Variants in JPH3 observed in about 807,000 individuals in gnomAD.
The protein encoded by JPH3 is junctophilin-3.
In JPH3, 11 loss-of-function variants were observed where a neutral mutation model predicts 59.6. That is an observed-to-expected ratio of 0.18 (90% CI 0.12 to 0.31). JPH3 has a LOEUF of 0.31. Among genes scored for constraint, JPH3 ranks in the 10% least tolerant of loss-of-function variants. The pLI, the probability that JPH3 is intolerant of heterozygous loss-of-function variation, is 1.00. For missense variants in JPH3, 1,202 were observed against 1,105.7 expected (o/e 1.09, Z -1.24); for synonymous variants, 673 against 483.6 (o/e 1.39, Z -5.14).
intron 2 of JPH3, among the ~76,000 whole-genome samples, chr16:87,667,635 C>G (rs557880333): frequency 3.7e-4 from 56 of 152,298 alleles, no homozygotes; most frequent in African/African-American, 1.3e-3. Flanking sequence ...AGCGGGGGGT[C>G]TTGGGCAACG....
At chr16:87,639,689 C>T (rs560538514) in intron 1 of JPH3, among the ~76,000 whole-genome samples, 4 of 152,024 alleles carry the variant, frequency 2.6e-5, no homozygotes, top group East Asian at 1.9e-4. Context: ...CCTGGCCCCT[C>T]GCACCCTCCG....
rs908539600 is a variant in JPH3, at chr16:87,690,557, T to G, written c.2166+31T>G. On this transcript the variant is annotated intron_variant, in intron 4 of 4. Coordinates refer to ENST00000284262, the MANE Select transcript of JPH3 (RefSeq NM_020655.4). ...TGGGCGGCCACCAGGCTGGTCCCAG[T>G]GGAGGCAACATCCACCTCTCTGCTG... The G allele has an allele frequency of 4.8e-6, 7 of 1,444,246 alleles. No homozygotes were observed. The African/African-American group carries it at 1.0e-4, about 21-fold the overall frequency. 89.5% of individuals were successfully genotyped at this position (1,444,246 alleles called of 1,614,324 possible). A position where few individuals can be genotyped will look rare whatever the true frequency, so the allele number is the denominator to read the frequency against.
chr16:87,668,767 C>T (rs898059266), intron 2 of JPH3, among the ~76,000 whole-genome samples: 2 of 152,092 alleles, frequency 1.3e-5, no homozygotes, highest in East Asian at 1.9e-4. Flanking sequence ...CCATCACAGG[C>T]CAAAGAACTG....
chr16:87,662,324 T>C (rs1358012024), intron 2 of JPH3, among the ~76,000 whole-genome samples: 1 of 152,170 alleles, frequency 6.6e-6, no homozygotes, highest in East Asian at 1.9e-4. Context: ...GGGCGCCGAA[T>C]GAATGGTTTC....
chr16:87,696,284 A>T, intron 4 of JPH3: 1 of 502,378 alleles, frequency 2.0e-6, no homozygotes, highest in South Asian at 2.0e-5. Context: ...GGTTCTCTCC[A>T]AGGGGACCCT....
Position 87,684,304 on chromosome 16 carries a change from G to T in JPH3, c.1285+38G>T, listed in dbSNP as rs539338793. 6.8e-6 allele frequency: 11 copies of T among 1,608,858 alleles called. No homozygotes were observed. In the East Asian group the frequency reaches 2.2e-4, roughly 33 times the overall value. ...GGGCCTGATACTGGCATCGTGGGGA[G>T]GGGGTGCGTGGATGGCTGGGCAGTC... On this transcript the variant is annotated intron_variant, in intron 3 of 4. Coordinates refer to ENST00000284262, the MANE Select transcript of JPH3 (RefSeq NM_020655.4).
intron 2 of JPH3, among the ~76,000 whole-genome samples, chr16:87,677,384 A>G (rs551121523): frequency 6.6e-6 from 1 of 152,254 alleles, no homozygotes; most frequent in African/African-American, 2.4e-5. Flanking sequence ...TTCTGTCTCA[A>G]AAAACAAACA....
At chr16:87,674,346 A>T (rs923032947) in intron 2 of JPH3, among the ~76,000 whole-genome samples, 7 of 152,168 alleles carry the variant, frequency 4.6e-5, no homozygotes, top group Admixed American at 3.3e-4. Flanking sequence ...AAAAAACAAA[A>T]ACAAAAAAAA....
chr16:87,668,896 C>A (rs561603887), intron 2 of JPH3, among the ~76,000 whole-genome samples: 19 of 135,040 alleles, frequency 1.4e-4, no homozygotes, highest in African/African-American at 4.7e-4. Flanking sequence ...TCCGGCTGTC[C>A]CGGAGGCCGT....
intron 2 of JPH3, among the ~76,000 whole-genome samples, chr16:87,665,168 G>A (rs1237450602): frequency 1.3e-5 from 2 of 152,110 alleles, no homozygotes; most frequent in Non-Finnish European, 2.9e-5. Context: ...CCCCTGGGCG[G>A]AGAAGCCAAA....
intron 2 of JPH3, 27 bp downstream of exon 2, chr16:87,645,062 C>G (rs377495898): frequency 6.3e-7 from 1 of 1,578,290 alleles, no homozygotes; most frequent in Non-Finnish European, 8.6e-7. Flanking sequence ...GCGGGGGGCC[C>G]TTCTTGGTGC....
intron 1 of JPH3, among the ~76,000 whole-genome samples, chr16:87,641,838 C>A (rs575500411): frequency 6.6e-6 from 1 of 152,370 alleles, no homozygotes; most frequent in Non-Finnish European, 1.5e-5. Flanking sequence ...AACACAAGTC[C>A]CTCTGGGGGC....
At chr16:87,638,824 C>T (rs2031843812) in intron 1 of JPH3, among the ~76,000 whole-genome samples, 1 of 152,160 alleles carries the variant, frequency 6.6e-6, no homozygotes, top group African/African-American at 2.4e-5. Flanking sequence ...TGCCCCAGTC[C>T]CCCTTCCTGA....
chr16:87,615,700 C>T (rs1226320060), intron 1 of JPH3, among the ~76,000 whole-genome samples: 1 of 152,198 alleles, frequency 6.6e-6, no homozygotes, highest in Non-Finnish European at 1.5e-5. Flanking sequence ...AGAAGGGAGC[C>T]CAGGAATGCC....
intron 2 of JPH3, among the ~76,000 whole-genome samples, chr16:87,673,824 G>C (rs1022380775): frequency 1.3e-4 from 20 of 152,030 alleles, no homozygotes; most frequent in Non-Finnish European, 2.8e-4. Flanking sequence ...TACTTGGGAG[G>C]CTGAGGCAGA....
intron 2 of JPH3, among the ~76,000 whole-genome samples, chr16:87,658,605 C>T (rs371327144): frequency 6.6e-6 from 1 of 152,106 alleles, no homozygotes; most frequent in South Asian, 2.1e-4. Flanking sequence ...TGAAACAGAC[C>T]CAGGGCATGA....
intron 1 of JPH3, among the ~76,000 whole-genome samples, chr16:87,617,254 A>T (rs902103846): frequency 3.3e-5 from 5 of 152,054 alleles, no homozygotes; most frequent in African/African-American, 1.2e-4. Context: ...CCAAAAAACC[A>T]AATAAAATAG....
At chr16:87,607,257 G>A (rs2030555303) in intron 1 of JPH3, among the ~76,000 whole-genome samples, 1 of 152,162 alleles carries the variant, frequency 6.6e-6, no homozygotes, top group African/African-American at 2.4e-5. Flanking sequence ...TTCGGGTGCT[G>A]TGTACACAGA....
intron 1 of JPH3, among the ~76,000 whole-genome samples, chr16:87,616,075 C>T (rs539367167): frequency 1.3e-5 from 2 of 152,234 alleles, no homozygotes; most frequent in African/African-American, 4.8e-5. Flanking sequence ...GGGAGAAGGG[C>T]ACGGGGTCTG....
Sources: allele counts gnomAD v4.1 joint callset (sites outside exome capture counted in the v4.1 genomes callset), GRCh38; gene constraint gnomAD v4.1.1; transcripts MANE v1.5; gene names NCBI Gene and HGNC (gene_info 2026-07-23, HGNC 2026-07-21).